CAST: variants seen among roughly 807,000 people sequenced by gnomAD.
CAST encodes the protein MIR583 host.
A neutral mutation model predicts 119.6 loss-of-function variants in CAST; 76 were observed. That is an observed-to-expected ratio of 0.64 (90% confidence interval 0.53 to 0.77). The LOEUF is 0.77. CAST is among the 30% of genes least tolerant of loss of function. CAST has a pLI of 0.00. For synonymous variants in CAST, 319 were observed against 331.6 expected (o/e 0.96, Z 0.41); for missense variants, 953 against 946.5 (o/e 1.01, Z -0.09).
At chr5:96,480,762 AG>A in the CAST span, among the ~76,000 whole-genome samples, 1 of 152,242 alleles carries the variant, frequency 6.6e-6, no homozygotes, top group Non-Finnish European at 1.5e-5. Flanking sequence ...TAGGAAGAAC[AG>A]GGTGGTCTAT....
At position 96,662,687 on chromosome 5, in the gene CAST, C is replaced by T. The variant is rs111620024; in HGVS notation, c.75+190C>T. 0.057 allele frequency among the ~76,000 whole-genome samples: 6,310 copies of T among 111,632 alleles called. 172 individuals carry two copies. Among genetic ancestry groups the T allele is most frequent in the Middle Eastern group, 0.12 (27 of 224 alleles). The allele number at this position is 111,632 out of a possible 152,430, so 73.2% of individuals were successfully genotyped here. ...CTGCAGGTGGCTTCGGTTCCCCGGC[C>T]GGGTCCAGTGCGCTGGGCGTGGCGT... On this transcript the variant is annotated intron_variant, in intron 1 of 31. Transcript: ENST00000675179.
intron 1 of CAST, among the ~76,000 whole-genome samples, chr5:96,598,242 C>A (rs192683567): frequency 3.9e-5 from 6 of 152,346 alleles, no homozygotes; most frequent in African/African-American, 1.4e-4. Flanking sequence ...TCTTTGCCAT[C>A]AATTTCCTTT....
At chr5:96,072,978 G>C in the CAST span, among the ~76,000 whole-genome samples, 1 of 152,198 alleles carries the variant, frequency 6.6e-6, no homozygotes, top group Non-Finnish European at 1.5e-5. Flanking sequence ...CAGAAATGAT[G>C]AGCAGTGTTG....
chr5:96,607,242 C>A (rs775694793), intron 1 of CAST, among the ~76,000 whole-genome samples: 30 of 152,064 alleles, frequency 2.0e-4, no homozygotes, highest in Non-Finnish European at 3.8e-4. Context: ...GAGCCGAGAT[C>A]GCACCACTGC....
At chr5:96,042,691 A>T in the CAST span, among the ~76,000 whole-genome samples, 8 of 152,202 alleles carry the variant, frequency 5.3e-5, no homozygotes, top group Admixed American at 2.6e-4. Context: ...GGCTAAGAGT[A>T]TGAGTTCTGT....
chr5:96,662,283 C>A, upstream of CAST: 2 of 1,075,070 alleles, frequency 1.9e-6, no homozygotes, highest in Non-Finnish European at 2.4e-6. Flanking sequence ...GGGGTGGGGT[C>A]GGAAAAGCTG....
the CAST span, chr5:96,400,199 T>A: frequency 1.3e-6 from 2 of 1,568,862 alleles, no homozygotes; most frequent in Admixed American, 3.3e-5. Context: ...GGAGGGGAAG[T>A]GACCCAAAGT....
At chr5:96,446,993 G>T in the CAST span, among the ~76,000 whole-genome samples, 307 of 152,282 alleles carry the variant, frequency 2.0e-3, no homozygotes, top group African/African-American at 7.2e-3. Flanking sequence ...AAAATCACAA[G>T]CACTGGCCAA....
intron 1 of CAST, among the ~76,000 whole-genome samples, chr5:96,630,398 ATT>A (rs983712981): frequency 3.3e-5 from 5 of 152,240 alleles, no homozygotes; most frequent in African/African-American, 1.2e-4. Flanking sequence ...ACATCAAATC[ATT>A]CTTTGTTTAC....
At chr5:96,453,561 A>G in the CAST span, among the ~76,000 whole-genome samples, 1 of 152,188 alleles carries the variant, frequency 6.6e-6, no homozygotes, top group African/African-American at 2.4e-5. Context: ...TGTGTCAGGC[A>G]TTACCATCGA....
the CAST span, among the ~76,000 whole-genome samples, chr5:96,401,251 G>C: frequency 6.6e-6 from 1 of 152,124 alleles, no homozygotes; most frequent in Admixed American, 6.5e-5. Context: ...AAACTTTGTG[G>C]GGGAGAAATA....
the CAST span, among the ~76,000 whole-genome samples, chr5:96,069,077 G>A: frequency 2.0e-5 from 3 of 150,196 alleles, no homozygotes; most frequent in Non-Finnish European, 4.4e-5. Context: ...GTATATATAT[G>A]TATACACATA....
the CAST span, chr5:96,411,071 T>A: frequency 2.8e-4 from 271 of 964,472 alleles, 2 homozygotes; most frequent in Non-Finnish European, 5.1e-5. Flanking sequence ...AACGACTACA[T>A]GTGTGAAATT....
chr5:96,644,397 GC>G (rs1330140809), intron 1 of CAST, among the ~76,000 whole-genome samples: 1 of 152,212 alleles, frequency 6.6e-6, no homozygotes, highest in African/African-American at 2.4e-5. Flanking sequence ...GCCAGCAACT[GC>G]TAGAAAATTA....
chr5:96,134,117 C>T, the CAST span, among the ~76,000 whole-genome samples: 1 of 152,176 alleles, frequency 6.6e-6, no homozygotes, highest in Non-Finnish European at 1.5e-5. Flanking sequence ...ATCACAAATG[C>T]CTGTAAAGGA....
At chr5:96,743,213 C>G in intron 16 of CAST, among the ~76,000 whole-genome samples, 1 of 152,192 alleles carries the variant, frequency 6.6e-6, no homozygotes, top group East Asian at 1.9e-4. Flanking sequence ...AACAATTACC[C>G]TAACTAGAGC....
intron 1 of CAST, among the ~76,000 whole-genome samples, chr5:96,581,118 G>A (rs1746763629): frequency 6.6e-6 from 1 of 152,204 alleles, no homozygotes; most frequent in Non-Finnish European, 1.5e-5. Flanking sequence ...CAGCCTGAAA[G>A]GCTAAAACAG....
the CAST span, among the ~76,000 whole-genome samples, chr5:95,981,339 G>C: frequency 1.3e-3 from 193 of 152,326 alleles, 2 homozygotes; most frequent in African/African-American, 4.4e-3. Context: ...TGGGCCTCCA[G>C]AACAACTTCT....
At position 96,730,522 on chromosome 5, in the gene CAST, T is replaced by C. The variant is rs545229273; in HGVS notation, c.550-258T>C. Among the ~76,000 whole-genome samples, 4 of 152,334 alleles carry C rather than the reference T, an allele frequency of 2.6e-5. No individual in the cohort carries two copies. In the East Asian group the frequency reaches 7.7e-4, roughly 29 times the overall value. ...TTGACTAGAGCCATTACACCTGGTA[T>C]GTGTGCTCCAGTTTACCACAATCCT... On this transcript the variant is annotated intron_variant, in intron 8 of 31. Transcript: ENST00000675179.
Sources: gnomAD v4.1 joint callset for allele counts (sites outside exome capture counted in the v4.1 genomes callset) on GRCh38, gnomAD v4.1.1 for gene constraint, MANE v1.5 for transcripts, NCBI Gene and HGNC (gene_info 2026-07-23, HGNC 2026-07-21) for gene names.